ARHGEF12: variants seen among roughly 807,000 people sequenced by gnomAD.
ARHGEF12 encodes the protein Rho guanine nucleotide exchange factor 12, also known as KMT2A/ARHGEF12 fusion protein.
Under a neutral mutation model 211.2 loss-of-function variants are expected in ARHGEF12, and 66 were observed. That is an observed-to-expected ratio of 0.31 (90% CI 0.26 to 0.38). The LOEUF is 0.38. ARHGEF12 is among the 10% of genes least tolerant of loss of function. ARHGEF12 has a pLI of 1.00. For missense variants in ARHGEF12, 1,429 were observed against 1,869.5 expected (o/e 0.76, Z 4.34); for synonymous variants, 592 against 638.4 (o/e 0.93, Z 1.09).
chr11:120,427,606 A>T (rs1945385538), intron 7 of ARHGEF12, among the ~76,000 whole-genome samples: 1 of 151,604 alleles, frequency 6.6e-6, no homozygotes, highest in South Asian at 2.1e-4. Context: ...CAGGAAGTCG[A>T]GGCTGCAGTG....
At chr11:120,414,324 T>G (rs1332400442) in intron 4 of ARHGEF12, among the ~76,000 whole-genome samples, 1 of 152,234 alleles carries the variant, frequency 6.6e-6, no homozygotes, top group East Asian at 1.9e-4. Context: ...AGTTGGAATT[T>G]TGCCAGGGCA....
At chr11:120,387,412 A>T (rs1311929882) in intron 1 of ARHGEF12, among the ~76,000 whole-genome samples, 4 of 152,082 alleles carry the variant, frequency 2.6e-5, no homozygotes, top group African/African-American at 9.7e-5. Flanking sequence ...TTATAAACTA[A>T]TTTTTTGAAT....
chr11:120,420,654 T>A (rs1475108603), intron 4 of ARHGEF12, 99 bp from the exon 5 acceptor site: 6 of 969,236 alleles, frequency 6.2e-6, no homozygotes, highest in Admixed American at 2.4e-5. Context: ...ACTTTTTGTT[T>A]CTCCAGATGG....
At chr11:120,359,913 CAG>C (rs1943234077) in intron 1 of ARHGEF12, among the ~76,000 whole-genome samples, 1 of 152,174 alleles carries the variant, frequency 6.6e-6, no homozygotes, top group African/African-American at 2.4e-5. Context: ...TAAAACTTAA[CAG>C]AGTCATTCTT....
At chr11:120,445,955 A>G (rs961384076) in intron 16 of ARHGEF12, among the ~76,000 whole-genome samples, 17 of 152,044 alleles carry the variant, frequency 1.1e-4, no homozygotes, top group Non-Finnish European at 2.2e-4. Context: ...TACTCCCAGC[A>G]CTTTGGGAGG....
Position 120,487,032 on chromosome 11 carries a change from G to A in ARHGEF12, c.*1955G>A. On this transcript the variant is annotated 3_prime_UTR_variant, in exon 41 of 41. Transcript: ENST00000397843. The stretch of plus-strand genomic sequence containing the variant: ...AAAAACCAAATGGTTACATTGTGCT[G>A]CTAGAAATAATGTCATTCTCAATTA... The A allele has an allele frequency of 4.6e-6, 1 of 216,462 alleles. No individual in the cohort carries two copies. Among genetic ancestry groups the A allele is most frequent in the Non-Finnish European group, 9.3e-6 (1 of 107,270 alleles). 13.4% of individuals were successfully genotyped at this position (216,462 alleles called of 1,614,324 possible).
At chr11:120,351,628 G>A (rs1278089452) in intron 1 of ARHGEF12, among the ~76,000 whole-genome samples, 4 of 150,404 alleles carry the variant, frequency 2.7e-5, no homozygotes, top group African/African-American at 9.8e-5. Context: ...CCGCCACCAC[G>A]CCCGTCTAAT....
chr11:120,461,884 CCT>C (rs914872540), intron 27 of ARHGEF12, among the ~76,000 whole-genome samples: 1 of 152,186 alleles, frequency 6.6e-6, no homozygotes, highest in Admixed American at 6.5e-5. Flanking sequence ...AGCTTCCTTA[CCT>C]CTCAGCCTTC....
At position 120,488,541 on chromosome 11, in the gene ARHGEF12, T is replaced by C. The variant is rs1947456938; in HGVS notation, c.*3464T>C. On this transcript the variant is annotated 3_prime_UTR_variant, in exon 41 of 41. Transcript: ENST00000397843. ...AGAGTTCCTTTTGCCTTATTCCTTA[T>C]GCCTTCCCCACTGGTATTGAGGGTT... 1 of 218,596 alleles carries C rather than the reference T, an allele frequency of 4.6e-6. No homozygotes were observed. Among genetic ancestry groups the C allele is most frequent in the South Asian group, 1.8e-4 (1 of 5,406 alleles). 13.5% of individuals were successfully genotyped at this position (218,596 alleles called of 1,614,324 possible). A position where few individuals can be genotyped will look rare whatever the true frequency, so the allele number is the denominator to read the frequency against.
At chr11:120,351,433 ATATATATATATATATATATATATTTTTTT>A (rs1339296271) in intron 1 of ARHGEF12, among the ~76,000 whole-genome samples, 4 of 3,718 alleles carry the variant, frequency 1.1e-3, no homozygotes, top group Non-Finnish European at 2.1e-3. Context: ...ATATATATAT[ATATATATATATATATATATATATTTTTTT>A]TTTTTTTTTT....
intron 39 of ARHGEF12, among the ~76,000 whole-genome samples, chr11:120,482,498 G>T (rs1947276458): frequency 6.6e-6 from 1 of 152,112 alleles, no homozygotes; most frequent in Admixed American, 6.5e-5. Context: ...TGTAATTCCA[G>T]CACTTTGGGA....
Position 120,447,922 on chromosome 11 carries a change from T to C in ARHGEF12, c.1622+16T>C. 3 of 1,552,372 alleles carry C rather than the reference T, an allele frequency of 1.9e-6. No individual in the cohort carries two copies. The highest frequency in any genetic ancestry group is 2.6e-6 in the Non-Finnish European group (3 of 1,153,032). ...AAGATAAGAGGTAACATAACTGTTT[T>C]TTTTCCCCTAGAATTTTAAGAAAAA... On this transcript the variant is annotated intron_variant, in intron 19 of 40. Coordinates refer to ENST00000397843, the MANE Select transcript of ARHGEF12 (RefSeq NM_015313.3).
chr11:120,427,604 C>T (rs930340049), intron 7 of ARHGEF12, among the ~76,000 whole-genome samples: 4 of 149,946 alleles, frequency 2.7e-5, no homozygotes, highest in East Asian at 3.9e-4. Flanking sequence ...CCCAGGAAGT[C>T]GAGGCTGCAG....
In ARHGEF12 at chr11:120,438,857, T is replaced by A. The variant is rs1945778633; in HGVS notation, c.1000-1272T>A. Reference sequence around the variant, plus strand: ...ATGTATGTATTTATGTATGCATGTATTTATGTATGTATATATGTATGAATG... The same window carrying A: ...ATGTATGTATTTATGTATGCATGTAATTATGTATGTATATATGTATGAATG... On this transcript the variant is annotated intron_variant, in intron 12 of 40. Transcript: ENST00000397843. The A allele has an allele frequency of 2.0e-5, 3 of 152,332 alleles. No individual in the cohort carries two copies. In the South Asian group the frequency reaches 6.2e-4, roughly 32 times the overall value. The allele number at this position is 152,332 out of a possible 1,614,324, so 9.4% of individuals were successfully genotyped here.
intron 12 of ARHGEF12, 116 bp from the exon 13 acceptor site, chr11:120,440,013 C>CA: frequency 1.3e-6 from 1 of 747,020 alleles, no homozygotes; most frequent in Non-Finnish European, 2.2e-6. Flanking sequence ...AGGAAATAAA[C>CA]AAAAAGAAAT....
At chr11:120,369,686 C>T (rs1304491921) in intron 1 of ARHGEF12, among the ~76,000 whole-genome samples, 1 of 152,192 alleles carries the variant, frequency 6.6e-6, no homozygotes, top group Non-Finnish European at 1.5e-5. Flanking sequence ...AAGGAAAACA[C>T]CTGAGAAGCT....
intron 1 of ARHGEF12, among the ~76,000 whole-genome samples, chr11:120,357,398 A>G (rs1943159925): frequency 6.6e-6 from 1 of 152,228 alleles, no homozygotes; most frequent in African/African-American, 2.4e-5. Flanking sequence ...TAATAGAGGA[A>G]GATAGAGAAC....
intron 11 of ARHGEF12, 144 bp downstream of exon 11, chr11:120,432,055 A>T: frequency 1.3e-6 from 1 of 752,702 alleles, no homozygotes; most frequent in Non-Finnish European, 1.9e-6. Context: ...TGATAAACAG[A>T]AATCTGGTTA....
intron 1 of ARHGEF12, among the ~76,000 whole-genome samples, chr11:120,365,372 G>A (rs1212614386): frequency 1.3e-5 from 2 of 152,138 alleles, no homozygotes; most frequent in Non-Finnish European, 2.9e-5. Context: ...GGAGATATGA[G>A]AAGCTCCTGA....
Sources: allele counts gnomAD v4.1 joint callset (sites outside exome capture counted in the v4.1 genomes callset), GRCh38; gene constraint gnomAD v4.1.1; transcripts MANE v1.5; gene names NCBI Gene and HGNC (gene_info 2026-07-23, HGNC 2026-07-21).